EFNA5: variants seen among roughly 807,000 people sequenced by gnomAD.
EFNA5 encodes ephrin-A5.
Under a neutral mutation model 22.9 loss-of-function variants are expected in EFNA5, and 5 were observed. The ratio of observed to expected loss-of-function variants is 0.22; its 90% CI spans 0.11 to 0.46. The LOEUF (loss-of-function observed/expected upper bound fraction) is 0.46, where lower values mean the gene tolerates loss of function less well. EFNA5 is among the 20% of genes least tolerant of loss of function. The pLI, the probability that EFNA5 is intolerant of heterozygous loss-of-function variation, is 0.99. For synonymous variants in EFNA5, 113 were observed against 112.2 expected (o/e 1.01, Z -0.04); for missense variants, 237 against 293.3 (o/e 0.81, Z 1.40).
At chr5:107,631,723 C>A (rs563776167) in intron 1 of EFNA5, among the ~76,000 whole-genome samples, 1 of 152,042 alleles carries the variant, frequency 6.6e-6, no homozygotes, top group South Asian at 2.1e-4. Flanking sequence ...AAAGCATTGA[C>A]ATAAAGTATT....
At chr5:107,458,614 T>G (rs936136181) in intron 1 of EFNA5, among the ~76,000 whole-genome samples, 2 of 152,048 alleles carry the variant, frequency 1.3e-5, no homozygotes, top group Non-Finnish European at 2.9e-5. Context: ...TATAAACTAG[T>G]ACATCATTAT....
At chr5:107,663,217 T>C (rs757278006) in intron 1 of EFNA5, among the ~76,000 whole-genome samples, 2 of 132,764 alleles carry the variant, frequency 1.5e-5, no homozygotes, top group Non-Finnish European at 3.2e-5. Context: ...TGGCTGCTTC[T>C]AGGGGGGAAA....
At chr5:107,387,843 AC>A in intron 2 of EFNA5, 72 bp from the exon 3 acceptor site, 3 of 1,036,166 alleles carry the variant, frequency 2.9e-6, no homozygotes, top group Non-Finnish European at 4.4e-6. Context: ...ATTTTCACAT[AC>A]AAATGATGAA....
At chr5:107,458,756 G>A (rs757076433) in intron 1 of EFNA5, among the ~76,000 whole-genome samples, 3 of 152,122 alleles carry the variant, frequency 2.0e-5, no homozygotes, top group African/African-American at 7.2e-5. Flanking sequence ...TAAAACAATT[G>A]TTACAGTAAC....
chr5:107,568,560 C>T (rs1346470676), intron 1 of EFNA5, among the ~76,000 whole-genome samples: 2 of 152,156 alleles, frequency 1.3e-5, no homozygotes, highest in African/African-American at 4.8e-5. Flanking sequence ...TCCTTAAATG[C>T]CCCAATTTAG....
At chr5:107,441,406 G>A (rs375459115) in intron 1 of EFNA5, among the ~76,000 whole-genome samples, 8 of 152,178 alleles carry the variant, frequency 5.3e-5, no homozygotes, top group African/African-American at 1.9e-4. Flanking sequence ...CTGGAGCAAG[G>A]AAGGATAGCG....
At chr5:107,517,278 G>A (rs1747500891) in intron 1 of EFNA5, among the ~76,000 whole-genome samples, 1 of 152,098 alleles carries the variant, frequency 6.6e-6, no homozygotes, top group Admixed American at 6.6e-5. Flanking sequence ...TGCAAATTAT[G>A]GTTTCTGTTC....
Position 107,402,116 on chromosome 5 carries a change from G to C in EFNA5, c.419-14345C>G, listed in dbSNP as rs544854840. On this transcript the variant is annotated intron_variant, in intron 2 of 4. Coordinates refer to ENST00000333274, the MANE Select transcript of EFNA5 (RefSeq NM_001962.3). ...GGTTTCACCGACAGGACTCCTTGGA[G>C]ATATGTAGATATTCAATTAGGGGTG... Among the ~76,000 whole-genome samples, 24 of 152,338 alleles carry C rather than the reference G, an allele frequency of 1.6e-4. 1 individual carries two copies. The highest frequency in any genetic ancestry group is 1.2e-3 in the Admixed American group (19 of 15,302).
intron 1 of EFNA5, among the ~76,000 whole-genome samples, chr5:107,614,054 C>T (rs989676667): frequency 2.0e-5 from 3 of 152,160 alleles, no homozygotes; most frequent in African/African-American, 7.2e-5. Context: ...TTCCTACTCA[C>T]CATCTAATGA....
intron 1 of EFNA5, among the ~76,000 whole-genome samples, chr5:107,641,706 T>C (rs1750515792): frequency 6.6e-6 from 1 of 152,212 alleles, no homozygotes; most frequent in South Asian, 2.1e-4. Flanking sequence ...TTTAATTAAA[T>C]TTCATTTTAA....
In EFNA5 at chr5:107,387,240, G is replaced by A; in HGVS notation, c.560C>T (p.Pro187Leu). The stretch of plus-strand genomic sequence containing the variant: ...GATTCTCTAAGCATACTAACCTGCT[G>A]GTTCTAATGAATTTTCTACTTTGTC... ...VNDKVENSLE[P>L]ADDTVHESAE... is the part of the protein sequence containing the mutation. Residue 187 changes from proline to leucine, a missense_variant, in exon 4 of 5, where the codon CCA becomes CTA. Physicochemically the swap from Pro to Leu is moderately conservative, Grantham distance 98. Coordinates refer to ENST00000333274, the MANE Select transcript of EFNA5 (RefSeq NM_001962.3). 3 of 1,601,940 alleles carry A rather than the reference G, an allele frequency of 1.9e-6. No homozygotes were observed. Among genetic ancestry groups the A allele is most frequent in the Non-Finnish European group, 2.6e-6 (3 of 1,171,946 alleles).
At chr5:107,487,426 G>A (rs771575549) in intron 1 of EFNA5, among the ~76,000 whole-genome samples, 1 of 152,154 alleles carries the variant, frequency 6.6e-6, no homozygotes, top group Non-Finnish European at 1.5e-5. Flanking sequence ...GTTTCCCCCA[G>A]AGCATCTAGC....
At chr5:107,460,596 T>C (rs967167606) in intron 1 of EFNA5, among the ~76,000 whole-genome samples, 1 of 152,072 alleles carries the variant, frequency 6.6e-6, no homozygotes, top group African/African-American at 2.4e-5. Context: ...AAAAAATAAA[T>C]TTGAGCAAAC....
At chr5:107,642,566 T>G (rs561922035) in intron 1 of EFNA5, among the ~76,000 whole-genome samples, 1 of 151,564 alleles carries the variant, frequency 6.6e-6, no homozygotes, top group African/African-American at 2.4e-5. Flanking sequence ...AGTTCTAAAA[T>G]ATTTCATAGA....
intron 4 of EFNA5, among the ~76,000 whole-genome samples, chr5:107,386,588 C>T (rs943396986): frequency 6.6e-6 from 1 of 152,066 alleles, no homozygotes; most frequent in Non-Finnish European, 1.5e-5. Context: ...TATTTTGCCT[C>T]GGTAATCAAG....
At position 107,427,254 on chromosome 5, in the gene EFNA5, T is replaced by C. The variant is rs767729698; in HGVS notation, c.381A>G (p.Gly127=). The C allele has an allele frequency of 6.2e-7, 1 of 1,614,124 alleles. No individual in the cohort carries two copies. The highest frequency in any genetic ancestry group is 8.5e-7 in the Non-Finnish European group (1 of 1,180,002). ...KFQLFTPFSL[G]FEFRPGREYF... is the part of the protein sequence containing the mutation. Reference sequence around the variant, plus strand: ...ATTCTCGGCCTGGCCTGAATTCAAATCCTAGAGAAAAGGGAGTGAAGAGCT... The same window carrying C: ...ATTCTCGGCCTGGCCTGAATTCAAACCCTAGAGAAAAGGGAGTGAAGAGCT... The change falls in exon 2 of 5, where the codon GGA becomes GGG. Residue 127 remains glycine (G), a synonymous_variant. Coordinates refer to ENST00000333274, the MANE Select transcript of EFNA5 (RefSeq NM_001962.3).
Position 107,457,426 on chromosome 5 carries a change from A to G in EFNA5, c.126-29917T>C, listed in dbSNP as rs778756869. ...ATATAAAAAGGCATCGCATTTGCAT[A>G]TAACCTATGCACATTCTCCTGTATG... On this transcript the variant is annotated intron_variant, in intron 1 of 4. Transcript: ENST00000333274. 2.8e-4 allele frequency among the ~76,000 whole-genome samples: 43 copies of G among 152,306 alleles called. 2 individuals are homozygous for G. Among genetic ancestry groups the G allele is most frequent in the Middle Eastern group, 6.8e-3 (2 of 294 alleles).
At position 107,434,579 on chromosome 5, in the gene EFNA5, T is replaced by C. The variant is rs537624129; in HGVS notation, c.126-7070A>G. 5.3e-4 allele frequency among the ~76,000 whole-genome samples: 80 copies of C among 152,360 alleles called. No individual in the cohort carries two copies. In the South Asian group the frequency reaches 0.017, roughly 32 times the overall value. On this transcript the variant is annotated intron_variant, in intron 1 of 4. Transcript: ENST00000333274. ...ATTTAAAATGTTCTAAATTGGCCTT[T>C]AGCATATGTTGCTGGCACAGCAGAG...
chr5:107,514,572 G>T (rs1747437546), intron 1 of EFNA5, among the ~76,000 whole-genome samples: 2 of 152,248 alleles, frequency 1.3e-5, no homozygotes, highest in South Asian at 4.2e-4. Context: ...TACAAGGGCA[G>T]ATTTATTTTT....
Sources: gnomAD v4.1 joint callset for allele counts (sites outside exome capture counted in the v4.1 genomes callset) on GRCh38, gnomAD v4.1.1 for gene constraint, MANE v1.5 for transcripts, NCBI Gene and HGNC (gene_info 2026-07-23, HGNC 2026-07-21) for gene names.